ACCSL: variants seen among roughly 807,000 people sequenced by gnomAD.
The protein encoded by ACCSL is 1-aminocyclopropane-1-carboxylate synthase homolog (inactive) like, also known as probable inactive 1-aminocyclopropane-1-carboxylate synthase-like protein 2.
Under a neutral mutation model 61.7 loss-of-function variants are expected in ACCSL, and 55 were observed. The observed-to-expected ratio is 0.89, with a 90% CI of 0.72 to 1.12. The LOEUF (loss-of-function observed/expected upper bound fraction) is 1.12. Among genes scored for constraint, ACCSL ranks in the 50% most tolerant of loss-of-function variants. The probability of loss-of-function intolerance (pLI) is 0.00; values close to 1 mark genes in which losing one functional copy is unlikely to be tolerated. For synonymous variants in ACCSL, 258 were observed against 264.3 expected (o/e 0.98, Z 0.23); for missense variants, 632 against 698.0 (o/e 0.91, Z 1.07).
chr11:43,984,499 T>A, the ACCSL span, among the ~76,000 whole-genome samples: 18 of 152,142 alleles, frequency 1.2e-4, no homozygotes, highest in African/African-American at 4.3e-4. Context: ...GGAGTGCAGG[T>A]TATCCTCTGC....
At chr11:44,047,886 T>C (rs1285959391), upstream of ACCSL, 1 of 1,017,378 alleles carries the variant, frequency 9.8e-7, no homozygotes, top group Non-Finnish European at 1.4e-6. Flanking sequence ...AACCAAGGCA[T>C]GGAAGTGAGA....
At chr11:44,012,210 C>T in the ACCSL span, among the ~76,000 whole-genome samples, 4 of 152,104 alleles carry the variant, frequency 2.6e-5, no homozygotes, top group African/African-American at 7.2e-5. Context: ...GCTCAGTCTT[C>T]CAGAAAGACC....
At chr11:43,925,441 A>T in the ACCSL span, 1 of 456,116 alleles carries the variant, frequency 2.2e-6, no homozygotes, top group South Asian at 1.5e-5. Context: ...AGGTGGCTGG[A>T]TATGTGGCAA....
the ACCSL span, among the ~76,000 whole-genome samples, chr11:43,974,334 G>A: frequency 3.3e-5 from 5 of 152,104 alleles, no homozygotes; most frequent in Non-Finnish European, 2.9e-5. Flanking sequence ...GCAATCCTTG[G>A]CATTCCTTGG....
At chr11:44,010,091 A>G in the ACCSL span, among the ~76,000 whole-genome samples, 1 of 152,228 alleles carries the variant, frequency 6.6e-6, no homozygotes, top group African/African-American at 2.4e-5. Flanking sequence ...CTGTAATCCC[A>G]GCATTTTGGG....
the ACCSL span, among the ~76,000 whole-genome samples, chr11:44,025,458 C>A: frequency 1.1e-4 from 16 of 152,138 alleles, no homozygotes; most frequent in South Asian, 6.2e-4. Flanking sequence ...TAACTTTGTT[C>A]ATTGCTGTCC....
the ACCSL span, among the ~76,000 whole-genome samples, chr11:43,967,067 T>C: frequency 6.6e-6 from 1 of 151,970 alleles, no homozygotes; most frequent in Non-Finnish European, 1.5e-5. Context: ...CCATTTCCAT[T>C]ATAGTGCTAA....
chr11:44,022,385 C>G, the ACCSL span, among the ~76,000 whole-genome samples: 1 of 152,038 alleles, frequency 6.6e-6, no homozygotes, highest in African/African-American at 2.4e-5. Context: ...CTATGTAAAA[C>G]AGGTTGAGTT....
chr11:44,046,768 G>T (rs1952600461), upstream of ACCSL, among the ~76,000 whole-genome samples: 1 of 152,182 alleles, frequency 6.6e-6, no homozygotes, highest in Admixed American at 6.5e-5. Context: ...AAAGGGTCTT[G>T]ATATCTTGGG....
At chr11:43,970,693 C>T in the ACCSL span, among the ~76,000 whole-genome samples, 5 of 152,180 alleles carry the variant, frequency 3.3e-5, no homozygotes, top group African/African-American at 7.2e-5. Context: ...GAATTTTCCT[C>T]CTCCCCATTT....
chr11:44,048,589 A>G, intron 1 of ACCSL, 49 bp downstream of exon 1: 2 of 1,472,210 alleles, frequency 1.4e-6, no homozygotes, highest in Non-Finnish European at 1.8e-6. Context: ...GGCTCCAGTC[A>G]CTTGGATTTA....
chr11:43,936,330 C>A, the ACCSL span, among the ~76,000 whole-genome samples: 1 of 152,210 alleles, frequency 6.6e-6, no homozygotes, highest in Non-Finnish European at 1.5e-5. Flanking sequence ...TTCTTGGAAC[C>A]TTTCCCTGAT....
chr11:44,047,161 C>T (rs1952603824), upstream of ACCSL, among the ~76,000 whole-genome samples: 2 of 152,174 alleles, frequency 1.3e-5, no homozygotes, highest in South Asian at 4.1e-4. Context: ...TCCTACCACG[C>T]CCTCCAGGTG....
chr11:44,050,462 G>A, intron 2 of ACCSL, 90 bp from the exon 3 acceptor site: 1 of 1,131,922 alleles, frequency 8.8e-7, no homozygotes, highest in Non-Finnish European at 1.3e-6. Flanking sequence ...CATGTATGTG[G>A]AGGGCAAACA....
chr11:44,019,306 TG>T, the ACCSL span, among the ~76,000 whole-genome samples: 1 of 152,198 alleles, frequency 6.6e-6, no homozygotes, highest in Non-Finnish European at 1.5e-5. Flanking sequence ...GCAGTGGAAT[TG>T]TTGGGTCATA....
At chr11:44,000,166 C>T in the ACCSL span, among the ~76,000 whole-genome samples, 2 of 152,022 alleles carry the variant, frequency 1.3e-5, no homozygotes, top group African/African-American at 4.8e-5. Context: ...GCTCTGTTGC[C>T]CAGGCTGGAG....
At chr11:44,036,530 C>T in the ACCSL span, among the ~76,000 whole-genome samples, 2 of 152,126 alleles carry the variant, frequency 1.3e-5, no homozygotes, top group African/African-American at 4.8e-5. Context: ...ACCTGCAATC[C>T]CAGCACTTTA....
At chr11:44,011,847 G>A in the ACCSL span, among the ~76,000 whole-genome samples, 3 of 151,826 alleles carry the variant, frequency 2.0e-5, no homozygotes, top group African/African-American at 7.3e-5. Context: ...CTGGTGAGAG[G>A]AAAAAGAGGA....
At chr11:44,034,558 C>T in the ACCSL span, among the ~76,000 whole-genome samples, 1 of 43,924 alleles carries the variant, frequency 2.3e-5, no homozygotes. Flanking sequence ...TGGTGGCAAG[C>T]AAGAGAGAGA....
Sources: allele counts gnomAD v4.1 joint callset (sites outside exome capture counted in the v4.1 genomes callset), GRCh38; gene constraint gnomAD v4.1.1; transcripts MANE v1.5; gene names NCBI Gene and HGNC (gene_info 2026-07-23, HGNC 2026-07-21).